MYO1E: variants seen among roughly 807,000 people sequenced by gnomAD.
MYO1E encodes the protein unconventional myosin-Ie.
In MYO1E, 68 loss-of-function variants were observed where a neutral mutation model predicts 151.1. That is an observed-to-expected ratio of 0.45 (90% CI 0.37 to 0.55). The LOEUF is 0.55. Among genes scored for constraint, MYO1E ranks in the 20% least tolerant of loss-of-function variants. The pLI is 0.00. For missense variants in MYO1E, 1,363 were observed against 1,389.3 expected (o/e 0.98, Z 0.30); for synonymous variants, 601 against 501.7 (o/e 1.20, Z -2.64).
chr15:59,218,166 C>G (rs965782553), intron 9 of MYO1E, 79 bp from the exon 10 acceptor site: 2 of 1,531,912 alleles, frequency 1.3e-6, no homozygotes, highest in Non-Finnish European at 1.8e-6. Flanking sequence ...TATGGAGGCA[C>G]TTATGTGCAC....
At chr15:59,190,556 G>A (rs1313244050) in intron 17 of MYO1E, among the ~76,000 whole-genome samples, 1 of 152,194 alleles carries the variant, frequency 6.6e-6, no homozygotes, top group East Asian at 1.9e-4. Flanking sequence ...AAAGGACAAT[G>A]CTATGATTCC....
At chr15:59,298,513 T>C (rs1403285692) in intron 1 of MYO1E, among the ~76,000 whole-genome samples, 1 of 152,194 alleles carries the variant, frequency 6.6e-6, no homozygotes, top group African/African-American at 2.4e-5. Flanking sequence ...GGAAGAGGCA[T>C]AGAAGGAAAT....
In MYO1E at chr15:59,214,228, C is replaced by T. The variant is rs753743886; in HGVS notation, c.1275G>A (p.Gln425=). The stretch of plus-strand genomic sequence containing the variant: ...GGATGAAGGAAGAGGGACTGCTTAC[C>T]TGTTCTGCCTTTAATGTCAGTTCAA... ...IFIELTLKAE[Q]EEYVQEGIRW... The change falls in exon 12 of 28, where the codon CAG becomes CAA. Residue 425 remains glutamine, a splice_region_variant and synonymous_variant. Coordinates refer to ENST00000288235, the MANE Select transcript of MYO1E (RefSeq NM_004998.4). The T allele has an allele frequency of 7.5e-6, 12 of 1,607,656 alleles. No individual in the cohort carries two copies. In the South Asian group the frequency reaches 1.3e-4, roughly 18 times the overall value.
At position 59,134,632 on chromosome 15, in the gene MYO1E, T is replaced by G. The variant is rs1429300581; in HGVS notation, c.*2748A>C. On this transcript the variant is annotated 3_prime_UTR_variant, in exon 28 of 28. Coordinates refer to ENST00000288235, the MANE Select transcript of MYO1E (RefSeq NM_004998.4). ...CAGTCAGGCCTTCTCATTTAGTTCC[T>G]GGTTACTTAAAACCTTTGGTTGAAG... is the stretch of plus-strand genomic sequence containing the variant. 2 of 152,270 alleles carry G rather than the reference T, an allele frequency of 1.3e-5. No homozygotes were observed. Among genetic ancestry groups the G allele is most frequent in the Non-Finnish European group, 2.9e-5 (2 of 68,068 alleles). 9.4% of individuals were successfully genotyped at this position (152,270 alleles called of 1,614,324 possible). A position where few individuals can be genotyped will look rare whatever the true frequency, so the allele number is the denominator to read the frequency against.
At chr15:59,333,711 G>C (rs141042594) in intron 1 of MYO1E, among the ~76,000 whole-genome samples, 74 of 152,236 alleles carry the variant, frequency 4.9e-4, no homozygotes, top group African/African-American at 1.7e-3. Context: ...TTCCTGCCTG[G>C]CTTTCAGCTT....
At chr15:59,348,126 G>C (rs900977369) in intron 1 of MYO1E, among the ~76,000 whole-genome samples, 1 of 144,600 alleles carries the variant, frequency 6.9e-6, no homozygotes, top group African/African-American at 2.8e-5. Context: ...CTCTGGTCTA[G>C]GGTCAATGCC....
At chr15:59,216,682 A>G (rs1243879265) in intron 10 of MYO1E, among the ~76,000 whole-genome samples, 28 of 8,032 alleles carry the variant, frequency 3.5e-3, no homozygotes, top group African/African-American at 5.9e-3. Flanking sequence ...ATATATATAT[A>G]TATACACATA....
At chr15:59,242,075 G>T (rs1207463109) in intron 4 of MYO1E, among the ~76,000 whole-genome samples, 1 of 152,172 alleles carries the variant, frequency 6.6e-6, no homozygotes, top group South Asian at 2.1e-4. Flanking sequence ...TGCACCAAGG[G>T]TTCTGGCCTG....
intron 9 of MYO1E, chr15:59,218,304 G>A (rs2079932742): frequency 3.0e-6 from 2 of 675,060 alleles, no homozygotes; most frequent in Non-Finnish European, 2.7e-6. Flanking sequence ...TATGACATGA[G>A]TCAATTCCTA....
chr15:59,210,461 T>G (rs1316478362), intron 13 of MYO1E, 53 bp downstream of exon 13: 2 of 1,231,812 alleles, frequency 1.6e-6, no homozygotes, highest in African/African-American at 3.0e-5. Context: ...GAATAAAAAC[T>G]CACTTAATGT....
chr15:59,353,773 C>G (rs12324107), intron 1 of MYO1E, among the ~76,000 whole-genome samples: 107,714 of 145,386 alleles, frequency 0.74, 42,131 homozygotes, highest in Non-Finnish European at 0.88. Context: ...AAAAAAAAAA[C>G]AAAGAAAGAA....
At position 59,210,536 on chromosome 15, in the gene MYO1E, C is replaced by G. The variant is rs1488138610; in HGVS notation, c.1340G>C (p.Cys447Ser). The G allele has an allele frequency of 6.2e-7, 1 of 1,600,872 alleles. No individual in the cohort carries two copies. Among genetic ancestry groups the G allele is most frequent in the East Asian group, 2.2e-5 (1 of 44,800 alleles). Residue 447 changes from cysteine (C) to serine (S), a missense_variant, in exon 13 of 28, where the codon TGT (cysteine) becomes TCT (serine). Physicochemically the swap from Cys to Ser is moderately radical, Grantham distance 112. Coordinates refer to ENST00000288235, the MANE Select transcript of MYO1E (RefSeq NM_004998.4). ...PIEYFNNKIVCDLIENKVNPP... is the reference protein window; with the variant it reads ...PIEYFNNKIVSDLIENKVNPP... ...TACCACTTTGTTCTCTATGAGGTCA[C>G]ATACGATTTTATTATTAAAGTACTC...
In MYO1E at chr15:59,262,419, C is replaced by T. The variant is rs2080229372; in HGVS notation, c.148-910G>A. Reference sequence around the variant, plus strand: ...ATCGCTTTAGGCCAGGAGTTTGAGGCCGGCCTGGGCAACATAGCAAAACTC... The same window carrying T: ...ATCGCTTTAGGCCAGGAGTTTGAGGTCGGCCTGGGCAACATAGCAAAACTC... On this transcript the variant is annotated intron_variant, in intron 2 of 27. Coordinates refer to ENST00000288235, the MANE Select transcript of MYO1E (RefSeq NM_004998.4). Among the ~76,000 whole-genome samples the T allele has an allele frequency of 2.0e-5, 3 of 151,942 alleles. No homozygotes were observed. The South Asian group carries it at 6.2e-4, about 32-fold the overall frequency.
At chr15:59,270,239 C>A (rs1418409933) in intron 2 of MYO1E, among the ~76,000 whole-genome samples, 1 of 152,034 alleles carries the variant, frequency 6.6e-6, no homozygotes, top group East Asian at 1.9e-4. Flanking sequence ...TTTATTATTC[C>A]AAAATGTATA....
chr15:59,142,120 T>A (rs916888450), intron 26 of MYO1E, among the ~76,000 whole-genome samples: 7 of 146,964 alleles, frequency 4.8e-5, no homozygotes, highest in South Asian at 2.2e-4. Context: ...AAAAAAAAAA[T>A]TTTTTTTTTA....
intron 17 of MYO1E, among the ~76,000 whole-genome samples, chr15:59,194,577 T>A (rs1412518755): frequency 6.6e-6 from 1 of 152,174 alleles, no homozygotes; most frequent in African/African-American, 2.4e-5. Context: ...CCTTCTTTTC[T>A]CCAAGAGAGA....
intron 4 of MYO1E, among the ~76,000 whole-genome samples, chr15:59,249,326 G>T (rs1173857219): frequency 6.6e-6 from 1 of 151,670 alleles, no homozygotes; most frequent in Non-Finnish European, 1.5e-5. Context: ...TCAGAAGGCT[G>T]AGGCAAGAAA....
At chr15:59,231,569 G>A in intron 6 of MYO1E, 133 bp downstream of exon 6, 2 of 968,394 alleles carry the variant, frequency 2.1e-6, no homozygotes, top group East Asian at 5.1e-5. Flanking sequence ...TATAGAAAAT[G>A]AAGGAAAGAT....
chr15:59,218,740 A>G (rs1182222436), intron 9 of MYO1E, among the ~76,000 whole-genome samples: 2 of 152,234 alleles, frequency 1.3e-5, no homozygotes, highest in African/African-American at 4.8e-5. Flanking sequence ...GAGAAATTAG[A>G]ACAGGAAGAT....
Sources: gnomAD v4.1 joint callset for allele counts (sites outside exome capture counted in the v4.1 genomes callset) on GRCh38, gnomAD v4.1.1 for gene constraint, MANE v1.5 for transcripts, NCBI Gene and HGNC (gene_info 2026-07-23, HGNC 2026-07-21) for gene names.